Variants in GRM8 observed in about 807,000 individuals in gnomAD.
GRM8 encodes the protein metabotropic glutamate receptor 8.
In GRM8, 47 loss-of-function variants were observed where a neutral mutation model predicts 87.2. The observed-to-expected ratio is 0.54, with a 90% confidence interval of 0.43 to 0.69. The LOEUF is 0.69. GRM8 is among the 30% of genes least tolerant of loss of function. The pLI is 0.00. For synonymous variants in GRM8, 396 were observed against 404.5 expected, an observed-to-expected ratio of 0.98 and a Z score of 0.25; for missense variants, 1,019 against 1,139.2, an observed-to-expected ratio of 0.89 and a Z score of 1.52.
At chr7:126,734,770 A>C (rs1244784220) in intron 7 of GRM8, among the ~76,000 whole-genome samples, 1 of 152,088 alleles carries the variant, frequency 6.6e-6, no homozygotes, top group African/African-American at 2.4e-5. Flanking sequence ...CAGTTCAAAG[A>C]TTGACCTGTG....
intron 3 of GRM8, among the ~76,000 whole-genome samples, chr7:126,948,153 A>T (rs1563344259): frequency 6.6e-6 from 1 of 152,164 alleles, no homozygotes. Flanking sequence ...GAAGTAAAAA[A>T]TAAGAGAAAC....
chr7:126,734,410 CA>C (rs1447435198), intron 7 of GRM8, among the ~76,000 whole-genome samples: 11 of 151,144 alleles, frequency 7.3e-5, no homozygotes, highest in Admixed American at 2.0e-4. Flanking sequence ...TATACTAGCA[CA>C]AAAAAAGATA....
At chr7:126,460,557 G>C (rs1803783628) in intron 9 of GRM8, among the ~76,000 whole-genome samples, 1 of 151,552 alleles carries the variant, frequency 6.6e-6, no homozygotes, top group Non-Finnish European at 1.5e-5. Context: ...TCCTCTTCTT[G>C]CACATTATTC....
intron 3 of GRM8, among the ~76,000 whole-genome samples, chr7:126,984,998 G>A (rs1185558325): frequency 6.6e-6 from 1 of 151,746 alleles, no homozygotes; most frequent in African/African-American, 2.4e-5. Flanking sequence ...TATACTCCCA[G>A]TTTCCAATAA....
At chr7:126,498,250 T>C (rs1160998289) in intron 9 of GRM8, among the ~76,000 whole-genome samples, 1 of 151,984 alleles carries the variant, frequency 6.6e-6, no homozygotes, top group East Asian at 1.9e-4. Flanking sequence ...TGTATATTTG[T>C]ACCTAGAAAA....
intron 8 of GRM8, among the ~76,000 whole-genome samples, chr7:126,578,144 A>C (rs893374170): frequency 1.3e-5 from 2 of 152,208 alleles, no homozygotes; most frequent in Admixed American, 1.3e-4. Context: ...CCTGTTACAT[A>C]TAAAAAGCAA....
chr7:127,249,445 A>G (rs1798745650), intron 1 of GRM8, among the ~76,000 whole-genome samples: 1 of 152,196 alleles, frequency 6.6e-6, no homozygotes, highest in East Asian at 1.9e-4. Flanking sequence ...ATCACCATTA[A>G]TAATGGTTAA....
intron 6 of GRM8, among the ~76,000 whole-genome samples, chr7:126,777,377 G>C (rs555208399): frequency 2.0e-5 from 3 of 152,216 alleles, no homozygotes; most frequent in Non-Finnish European, 2.9e-5. Flanking sequence ...ACCCAACATT[G>C]CAAAGTAATG....
rs538748016 is a variant in GRM8 at position 127,075,788 on chromosome 7, G to A, written c.727+30708C>T. ...TAGCCAGCACTAACCACCTGGTTGG[G>A]CTAATGTTCACTGGGATCCTGAAAG... is the stretch of plus-strand genomic sequence containing the variant. On this transcript the variant is annotated intron_variant, in intron 3 of 10. Transcript: ENST00000339582. 9.9e-5 allele frequency among the ~76,000 whole-genome samples: 15 copies of A among 152,248 alleles called. No homozygotes were observed. The East Asian group carries it at 2.7e-3, about 27-fold the overall frequency.
chr7:126,642,806 C>T (rs930373438), intron 7 of GRM8, among the ~76,000 whole-genome samples: 3 of 151,990 alleles, frequency 2.0e-5, no homozygotes, highest in Non-Finnish European at 2.9e-5. Context: ...CAGAAGCTTC[C>T]GATCTAGTTC....
chr7:126,904,631 T>A lies in GRM8; in HGVS notation c.780A>T (p.Gly260=). Residue 260 remains glycine, a synonymous_variant, in exon 4 of 11, where the codon GGA becomes GGT. Coordinates refer to ENST00000339582, the MANE Select transcript of GRM8 (RefSeq NM_000845.3). ...GGCGTTTGATAATTTTTTCAAATTCTCCAGGTCTTGGTTCACGTGGGATTT... is the reference window on the plus strand; with the variant it reads ...GGCGTTTGATAATTTTTTCAAATTCACCAGGTCTTGGTTCACGTGGGATTT... ...SQKIPREPRP[G]EFEKIIKRLL... is the part of the protein sequence containing the mutation. 2 of 1,613,730 alleles carry A rather than the reference T, an allele frequency of 1.2e-6. No individual in the cohort carries two copies. The highest frequency in any genetic ancestry group is 2.2e-5 in the South Asian group (2 of 91,074).
chr7:126,704,923 C>A (rs1433026742), intron 7 of GRM8, among the ~76,000 whole-genome samples: 1 of 152,114 alleles, frequency 6.6e-6, no homozygotes, highest in African/African-American at 2.4e-5. Context: ...TAGTCTATTA[C>A]CTTGTGAAGT....
rs115481583 is a variant in GRM8 at position 126,451,222 on chromosome 7, C to G, written c.2431-4850G>C. ...TCTGAAACTTAACAAGCCTCTGATTCCCAATCTTCATCCCTAAACTTGATC... is the reference window on the plus strand; with the variant it reads ...TCTGAAACTTAACAAGCCTCTGATTGCCAATCTTCATCCCTAAACTTGATC... On this transcript the variant is annotated intron_variant, in intron 9 of 10. Coordinates refer to ENST00000339582, the MANE Select transcript of GRM8 (RefSeq NM_000845.3). 7.7e-4 allele frequency among the ~76,000 whole-genome samples: 117 copies of G among 151,852 alleles called. 1 individual carries two copies. The highest frequency in any genetic ancestry group is 2.7e-3 in the African/African-American group (112 of 41,510).
At chr7:126,855,056 G>A (rs1489757631) in intron 6 of GRM8, among the ~76,000 whole-genome samples, 1 of 152,096 alleles carries the variant, frequency 6.6e-6, no homozygotes, top group Non-Finnish European at 1.5e-5. Context: ...GTATAATGTT[G>A]GCTGTGGGTT....
intron 3 of GRM8, among the ~76,000 whole-genome samples, chr7:127,001,305 T>G (rs2132033062): frequency 6.6e-6 from 1 of 151,596 alleles, no homozygotes; most frequent in Middle Eastern, 3.4e-3. Context: ...AGGAGAAAAC[T>G]TTGCAAAAAA....
intron 3 of GRM8, among the ~76,000 whole-genome samples, chr7:126,961,839 A>G (rs1402285733): frequency 6.6e-6 from 1 of 152,200 alleles, no homozygotes; most frequent in Non-Finnish European, 1.5e-5. Context: ...TTCTCCAGTT[A>G]AAGGAGAATC....
At chr7:126,692,479 G>A (rs993811842) in intron 7 of GRM8, among the ~76,000 whole-genome samples, 2 of 152,192 alleles carry the variant, frequency 1.3e-5, no homozygotes, top group Non-Finnish European at 2.9e-5. Context: ...GATGATGTGT[G>A]TTAAAAATGT....
chr7:127,120,916 G>A (rs1185282252), intron 2 of GRM8, among the ~76,000 whole-genome samples: 1 of 152,154 alleles, frequency 6.6e-6, no homozygotes, highest in Non-Finnish European at 1.5e-5. Flanking sequence ...TTAGTGTCAT[G>A]ATAAATCTAT....
Position 126,438,797 on chromosome 7 carries a change from G to A in GRM8, c.*322C>T, listed in dbSNP as rs183925183. 1.6e-4 allele frequency: 41 copies of A among 252,806 alleles called. No individual in the cohort carries two copies. The East Asian group carries it at 3.5e-3, about 22-fold the overall frequency. 15.7% of individuals were successfully genotyped at this position (252,806 alleles called of 1,614,324 possible). On this transcript the variant is annotated 3_prime_UTR_variant, in exon 11 of 11. Coordinates refer to ENST00000339582, the MANE Select transcript of GRM8 (RefSeq NM_000845.3). ...TTCTCACAATCACAGAAAAATACAAGAATAACATCAGACATTATTTATTTC... is the reference window on the plus strand; with the variant it reads ...TTCTCACAATCACAGAAAAATACAAAAATAACATCAGACATTATTTATTTC...
Sources: allele counts gnomAD v4.1 joint callset (sites outside exome capture counted in the v4.1 genomes callset), GRCh38; gene constraint gnomAD v4.1.1; transcripts MANE v1.5; gene names NCBI Gene and HGNC (gene_info 2026-07-23, HGNC 2026-07-21).